Variants in HTR7 observed in about 807,000 individuals in gnomAD.
HTR7 encodes the protein 5-hydroxytryptamine receptor 7.
In HTR7, 16 loss-of-function variants were observed where a neutral mutation model predicts 34.0. The ratio of observed to expected loss-of-function variants is 0.47; its 90% CI spans 0.32 to 0.71. The LOEUF is 0.71. Ranked by LOEUF, HTR7 falls within the 30% of genes least tolerant of loss-of-function variation. The probability of loss-of-function intolerance (pLI) is 0.04; values close to 1 mark genes in which losing one functional copy is unlikely to be tolerated. For missense variants in HTR7, 504 were observed against 625.5 expected (o/e 0.81, Z 2.07); for synonymous variants, 265 against 260.2 (o/e 1.02, Z -0.18).
At chr10:90,836,112 A>G (rs1396569014) in intron 1 of HTR7, among the ~76,000 whole-genome samples, 1 of 152,150 alleles carries the variant, frequency 6.6e-6, no homozygotes, top group Non-Finnish European at 1.5e-5. Context: ...AATTCAAGCC[A>G]CTGACTTACC....
At chr10:90,831,379 A>C (rs1475999114) in intron 1 of HTR7, among the ~76,000 whole-genome samples, 2 of 149,734 alleles carry the variant, frequency 1.3e-5, no homozygotes, top group East Asian at 4.0e-4. Flanking sequence ...GTTACAGCTC[A>C]AGCCGGCACA....
intron 1 of HTR7, among the ~76,000 whole-genome samples, chr10:90,779,556 C>T (rs1231971813): frequency 2.6e-5 from 4 of 152,100 alleles, no homozygotes; most frequent in Admixed American, 1.3e-4. Context: ...ATTTTTCACT[C>T]GTCACCTCTT....
intron 1 of HTR7, among the ~76,000 whole-genome samples, chr10:90,846,027 G>A (rs1054189109): frequency 6.6e-6 from 1 of 152,204 alleles, no homozygotes; most frequent in African/African-American, 2.4e-5. Flanking sequence ...AAACATCTGT[G>A]GGAAGGATGG....
intron 1 of HTR7, among the ~76,000 whole-genome samples, chr10:90,797,023 A>C (rs1845550677): frequency 6.6e-6 from 1 of 152,072 alleles, no homozygotes; most frequent in Non-Finnish European, 1.5e-5. Context: ...AAAAAAAAAA[A>C]AAACCGACAA....
chr10:90,806,460 G>A (rs911839383), intron 1 of HTR7, among the ~76,000 whole-genome samples: 31 of 152,212 alleles, frequency 2.0e-4, no homozygotes, highest in African/African-American at 6.0e-4. Flanking sequence ...TTAGCCGGGC[G>A]TGGTGGCGGG....
At chr10:90,812,786 C>A (rs1356154389) in intron 1 of HTR7, among the ~76,000 whole-genome samples, 1 of 152,098 alleles carries the variant, frequency 6.6e-6, no homozygotes, top group Non-Finnish European at 1.5e-5. Context: ...TTTTATTTTT[C>A]TTATTAATAT....
intron 1 of HTR7, among the ~76,000 whole-genome samples, chr10:90,827,743 C>T (rs6583735): frequency 2.6e-5 from 4 of 151,996 alleles, no homozygotes; most frequent in South Asian, 2.1e-4. Flanking sequence ...AAAATGTTAG[C>T]GCTAAACAGA....
intron 1 of HTR7, among the ~76,000 whole-genome samples, chr10:90,821,074 C>T (rs764797797): frequency 2.0e-4 from 31 of 152,050 alleles, no homozygotes; most frequent in Admixed American, 6.6e-4. Context: ...CAATCATCCT[C>T]CCTGAAGAAA....
chr10:90,760,997 CTT>C (rs895696655), intron 1 of HTR7, among the ~76,000 whole-genome samples: 1 of 152,048 alleles, frequency 6.6e-6, no homozygotes, highest in African/African-American at 2.4e-5. Flanking sequence ...GTTTATTTTT[CTT>C]GTTTTAAATT....
At chr10:90,851,736 T>C (rs969581458) in intron 1 of HTR7, among the ~76,000 whole-genome samples, 2 of 152,026 alleles carry the variant, frequency 1.3e-5, no homozygotes, top group Non-Finnish European at 2.9e-5. Flanking sequence ...AAATCTCACC[T>C]TGAATTGTAA....
At chr10:90,745,035 G>A (rs1190073412) in intron 2 of HTR7, among the ~76,000 whole-genome samples, 1 of 152,172 alleles carries the variant, frequency 6.6e-6, no homozygotes, top group African/African-American at 2.4e-5. Context: ...AGTCTTCTCT[G>A]ATTAGGGTTA....
chr10:90,768,684 G>C (rs1439216292), intron 1 of HTR7, among the ~76,000 whole-genome samples: 1 of 152,088 alleles, frequency 6.6e-6, no homozygotes, highest in Non-Finnish European at 1.5e-5. Context: ...ATTAAATTGT[G>C]GGACTTTGCC....
At chr10:90,800,135 T>C (rs1845601813) in intron 1 of HTR7, among the ~76,000 whole-genome samples, 1 of 152,204 alleles carries the variant, frequency 6.6e-6, no homozygotes, top group African/African-American at 2.4e-5. Flanking sequence ...GTGGCTATAA[T>C]GAAAACATCT....
rs75118009 is a variant in HTR7 at position 90,756,424 on chromosome 10, C to T, written c.540-6830G>A. 4.1e-3 allele frequency among the ~76,000 whole-genome samples: 628 copies of T among 152,260 alleles called. 1 individual carries two copies. Among genetic ancestry groups the T allele is most frequent in the East Asian group, 6.0e-3 (31 of 5,190 alleles). On this transcript the variant is annotated intron_variant, in intron 1 of 3. Coordinates refer to ENST00000336152, the MANE Select transcript of HTR7 (RefSeq NM_019859.4). ...TTATCATTTGCCATTAACCTAGATG[C>T]TAACCTGTTCTCTAAAACCAATGTT...
chr10:90,795,803 T>C (rs889295559), intron 1 of HTR7, among the ~76,000 whole-genome samples: 29 of 152,244 alleles, frequency 1.9e-4, no homozygotes, highest in African/African-American at 4.8e-4. Context: ...CATTGGTACA[T>C]TGGAAGGGCG....
At position 90,857,361 on chromosome 10, in the gene HTR7, A is replaced by G. The variant is rs770986358; in HGVS notation, c.311T>C (p.Ile104Thr). The G allele has an allele frequency of 2.5e-6, 4 of 1,613,910 alleles. No individual in the cohort carries two copies. The Admixed American group carries it at 5.0e-5, about 20-fold the overall frequency. The change falls in exon 1 of 4, where the codon ATC becomes ACC. Residue 104 changes from isoleucine to threonine, a missense_variant. Physicochemically the swap from Ile to Thr is moderately conservative, Grantham distance 89. Transcript: ENST00000336152. This position sits in a 1 kb window ranked among gnomAD's most constrained non-coding sequence, Gnocchi z 6.5. The stretch of plus-strand genomic sequence containing the variant: ...GAGCTTCTTGACGAAGCACACGGAG[A>G]TCACCACCAGGCAGTTGCCCGCGAT... ...LTIAGNCLVV[I>T]SVCFVKKLRQ...
At position 90,765,346 on chromosome 10, in the gene HTR7, G is replaced by A. The variant is rs546111074; in HGVS notation, c.540-15752C>T. Among the ~76,000 whole-genome samples, 3 of 152,032 alleles carry A rather than the reference G, an allele frequency of 2.0e-5. No individual in the cohort carries two copies. In the South Asian group the frequency reaches 6.2e-4, roughly 32 times the overall value. ...AGTTACTTTATAATTATTCATCATA[G>A]TCTCTTATGATCCTTTGTATTTCTG... On this transcript the variant is annotated intron_variant, in intron 1 of 3. Coordinates refer to ENST00000336152, the MANE Select transcript of HTR7 (RefSeq NM_019859.4).
At chr10:90,855,307 G>A (rs1036165755) in intron 1 of HTR7, among the ~76,000 whole-genome samples, 1 of 152,200 alleles carries the variant, frequency 6.6e-6, no homozygotes. Flanking sequence ...ACACATGCAC[G>A]CTGAGTGGAG....
At chr10:90,770,944 C>T (rs1418145101) in intron 1 of HTR7, among the ~76,000 whole-genome samples, 1 of 152,188 alleles carries the variant, frequency 6.6e-6, no homozygotes, top group Non-Finnish European at 1.5e-5. Flanking sequence ...CCACCCATGG[C>T]CACCCATGGA....
Sources: gnomAD v4.1 joint callset for allele counts (sites outside exome capture counted in the v4.1 genomes callset) on GRCh38, gnomAD v4.1.1 for gene constraint, Gnocchi (gnomAD v3.1) non-coding constraint, MANE v1.5 for transcripts, NCBI Gene and HGNC (gene_info 2026-07-23, HGNC 2026-07-21) for gene names.